DTWD2: variants seen among roughly 807,000 people sequenced by gnomAD.
DTWD2 encodes the protein tRNA-uridine aminocarboxypropyltransferase 2.
A neutral mutation model predicts 31.8 loss-of-function variants in DTWD2; 39 were observed. The observed-to-expected ratio is 1.22, with a 90% confidence interval of 0.95 to 1.60. The LOEUF (loss-of-function observed/expected upper bound fraction) is 1.60, where lower values mean the gene tolerates loss of function less well. DTWD2 is among the 40% of genes most tolerant of loss of function. The probability of loss-of-function intolerance (pLI) is 0.00; values close to 1 mark genes in which losing one functional copy is unlikely to be tolerated. For missense variants in DTWD2, 515 were observed against 381.5 expected (o/e 1.35, Z -2.92); for synonymous variants, 180 against 142.8 (o/e 1.26, Z -1.86).
chr5:118,934,217 T>C (rs1355324042), intron 3 of DTWD2, among the ~76,000 whole-genome samples: 4 of 144,884 alleles, frequency 2.8e-5, no homozygotes, highest in Non-Finnish European at 6.0e-5. Flanking sequence ...GGTGGATCCC[T>C]TTAGCCTAGG....
intron 4 of DTWD2, among the ~76,000 whole-genome samples, chr5:118,867,634 G>A (rs1752406468): frequency 6.6e-6 from 1 of 152,164 alleles, no homozygotes; most frequent in Non-Finnish European, 1.5e-5. Context: ...AAATCAGGTT[G>A]TCGGACTGAG....
At chr5:118,981,101 G>T (rs1000172837) in intron 1 of DTWD2, among the ~76,000 whole-genome samples, 1 of 152,170 alleles carries the variant, frequency 6.6e-6, no homozygotes, top group African/African-American at 2.4e-5. Flanking sequence ...GCCAGACACA[G>T]ATAGACAAAT....
intron 4 of DTWD2, among the ~76,000 whole-genome samples, chr5:118,879,011 G>A (rs1279942162): frequency 6.6e-6 from 1 of 150,616 alleles, no homozygotes; most frequent in East Asian, 1.9e-4. Flanking sequence ...AGGTTGTAGA[G>A]GAAAAGGAAC....
intron 1 of DTWD2, among the ~76,000 whole-genome samples, chr5:118,958,852 T>C (rs1162179977): frequency 1.3e-5 from 2 of 152,152 alleles, no homozygotes; most frequent in Non-Finnish European, 2.9e-5. Flanking sequence ...AAAAACCACA[T>C]GATCATATCA....
At chr5:118,863,279 G>A (rs1411081857) in intron 4 of DTWD2, among the ~76,000 whole-genome samples, 1 of 152,056 alleles carries the variant, frequency 6.6e-6, no homozygotes. Flanking sequence ...ACTCCACAAG[G>A]GAATGCATAC....
chr5:118,872,400 C>G (rs757184141), intron 4 of DTWD2, among the ~76,000 whole-genome samples: 70 of 152,208 alleles, frequency 4.6e-4, no homozygotes, highest in Admixed American at 1.9e-3. Context: ...TAAGCTTAAT[C>G]ATTTCTAGCC....
At position 118,838,028 on chromosome 5, in the gene DTWD2, GTCT is replaced by G. The variant is rs1054275537; in HGVS notation, c.*2886_*2888del. 1.3e-5 allele frequency: 2 copies of G among 152,162 alleles called. No individual in the cohort carries two copies. The highest frequency in any genetic ancestry group is 2.4e-5 in the African/African-American group (1 of 41,436). 9.4% of individuals were successfully genotyped at this position (152,162 alleles called of 1,614,324 possible). On this transcript the variant is annotated 3_prime_UTR_variant, in exon 6 of 6. Transcript: ENST00000510708. ...CATGACTAAGAAAAGTGTCTCTGGA[GTCT>G]TCAAGTTAGAGAAAATAATTTTTTC...
chr5:118,944,814 G>A (rs550485072), intron 1 of DTWD2, among the ~76,000 whole-genome samples, 165 bp from the exon 2 acceptor site: 1 of 152,194 alleles, frequency 6.6e-6, no homozygotes, highest in South Asian at 2.1e-4. Context: ...TCAGACTTTA[G>A]ACATGAGAAT....
At chr5:118,983,800 G>A (rs1287474355) in intron 1 of DTWD2, among the ~76,000 whole-genome samples, 3 of 152,182 alleles carry the variant, frequency 2.0e-5, no homozygotes, top group African/African-American at 4.8e-5. Context: ...CAAGTGGACT[G>A]GAGCTAGAGA....
rs78784788 is a variant in DTWD2 at position 118,852,647 on chromosome 5, G to A, written c.598-4429C>T. Among the ~76,000 whole-genome samples the A allele has an allele frequency of 8.2e-3, 1,251 of 152,268 alleles. 11 individuals are homozygous for A. Among genetic ancestry groups the A allele is most frequent in the African/African-American group, 0.029 (1,189 of 41,538 alleles). On this transcript the variant is annotated intron_variant, in intron 4 of 5. Coordinates refer to ENST00000510708, the MANE Select transcript of DTWD2 (RefSeq NM_173666.4). ...AATGTAAATTAATTCAGCCACTGTCGAAAGCGGTGTGGTGATTTCTCAAAG... is the reference window on the plus strand; with the variant it reads ...AATGTAAATTAATTCAGCCACTGTCAAAAGCGGTGTGGTGATTTCTCAAAG...
intron 1 of DTWD2, among the ~76,000 whole-genome samples, chr5:118,967,900 T>G (rs1580445112): frequency 6.6e-6 from 1 of 152,164 alleles, no homozygotes; most frequent in South Asian, 2.1e-4. Flanking sequence ...AGTAAATTCC[T>G]CCCCAAGATA....
intron 4 of DTWD2, among the ~76,000 whole-genome samples, chr5:118,902,384 C>A (rs1180767800): frequency 2.6e-5 from 4 of 151,930 alleles, no homozygotes; most frequent in African/African-American, 7.2e-5. Flanking sequence ...TATATAACAA[C>A]CATAATCTAT....
At position 118,946,751 on chromosome 5, in the gene DTWD2, A is replaced by T. The variant is rs143020350; in HGVS notation, c.219-2102T>A. 4.5e-3 allele frequency among the ~76,000 whole-genome samples: 687 copies of T among 152,144 alleles called. 7 individuals are homozygous for T. The highest frequency in any genetic ancestry group is 0.016 in the African/African-American group (653 of 41,502). On this transcript the variant is annotated intron_variant, in intron 1 of 5. Transcript: ENST00000510708. ...TAGCTTTAATCTTTAAAAACAAACA[A>T]ACAAAAAAAAACAGAATCTCACTCT...
At chr5:118,863,180 G>A (rs1311277500) in intron 4 of DTWD2, among the ~76,000 whole-genome samples, 1 of 152,072 alleles carries the variant, frequency 6.6e-6, no homozygotes, top group Non-Finnish European at 1.5e-5. Context: ...TTTTACTTTA[G>A]GTTATTTAAC....
At chr5:118,894,999 G>A (rs1376393303) in intron 4 of DTWD2, among the ~76,000 whole-genome samples, 1 of 152,086 alleles carries the variant, frequency 6.6e-6, no homozygotes, top group African/African-American at 2.4e-5. Flanking sequence ...AGTACTGAAA[G>A]TCCTGGCCAG....
At chr5:118,901,616 G>A (rs1286468531) in intron 4 of DTWD2, among the ~76,000 whole-genome samples, 1 of 152,022 alleles carries the variant, frequency 6.6e-6, no homozygotes, top group Non-Finnish European at 1.5e-5. Flanking sequence ...CTTGTATCCA[G>A]CTAAGAGAGT....
chr5:118,899,849 T>C (rs1459742753), intron 4 of DTWD2, among the ~76,000 whole-genome samples: 6 of 149,196 alleles, frequency 4.0e-5, no homozygotes, highest in Non-Finnish European at 1.5e-5. Flanking sequence ...TTGCCCGGGC[T>C]GGAGTACAGT....
intron 2 of DTWD2, among the ~76,000 whole-genome samples, chr5:118,943,152 T>C (rs1754244953): frequency 6.6e-6 from 1 of 152,126 alleles, no homozygotes; most frequent in African/African-American, 2.4e-5. Flanking sequence ...AAGCTATCAG[T>C]TTACATAAAT....
Position 118,839,299 on chromosome 5 carries a change from G to T in DTWD2, c.*1618C>A, listed in dbSNP as rs1751652554. On this transcript the variant is annotated 3_prime_UTR_variant, in exon 6 of 6. Coordinates refer to ENST00000510708, the MANE Select transcript of DTWD2 (RefSeq NM_173666.4). ...ATTATTATATGCTGTTTCTTTTCTAGTACACCAAATAATCATTTGATATTA... is the reference window on the plus strand; with the variant it reads ...ATTATTATATGCTGTTTCTTTTCTATTACACCAAATAATCATTTGATATTA... 6.6e-6 allele frequency: 1 copy of T among 151,882 alleles called. No individual in the cohort carries two copies. Among genetic ancestry groups the T allele is most frequent in the African/African-American group, 2.4e-5 (1 of 41,352 alleles). The allele number at this position is 151,882 out of a possible 1,614,324, so 9.4% of individuals were successfully genotyped here.
Sources: allele counts gnomAD v4.1 joint callset (sites outside exome capture counted in the v4.1 genomes callset), GRCh38; gene constraint gnomAD v4.1.1; transcripts MANE v1.5; gene names NCBI Gene and HGNC (gene_info 2026-07-23, HGNC 2026-07-21).